Variants in REPS2 observed in about 807,000 individuals in gnomAD.
REPS2 encodes the protein RALBP1 associated Eps domain containing 2, also known as ralBP1-associated Eps domain-containing protein 2.
In REPS2, 23 loss-of-function variants were observed where a neutral mutation model predicts 53.6. The ratio of observed to expected loss-of-function variants is 0.43; its 90% CI spans 0.31 to 0.61. The LOEUF is 0.61. Among genes scored for constraint, REPS2 ranks in the 20% least tolerant of loss-of-function variants. The pLI is 0.11. For missense variants in REPS2, 446 were observed against 534.9 expected (o/e 0.83, Z 1.64); for synonymous variants, 238 against 218.6 (o/e 1.09, Z -0.78).
At chrX:17,123,624 A>G (rs1389505808) in intron 14 of REPS2, among the ~76,000 whole-genome samples, 2 of 112,320 alleles carry the variant, frequency 1.8e-5, no homozygotes, top group Non-Finnish European at 3.8e-5. Context: ...GGATTGGTCT[A>G]CCGAGGGGGG....
intron 14 of REPS2, among the ~76,000 whole-genome samples, chrX:17,114,487 T>C (rs1485760346): frequency 8.9e-6 from 1 of 111,890 alleles, no homozygotes; most frequent in African/African-American, 3.3e-5. Context: ...TGGTAGAAGT[T>C]TAAATGGCTG....
chrX:17,049,004 T>G (rs866318900), intron 6 of REPS2, among the ~76,000 whole-genome samples: 160 of 111,676 alleles, frequency 1.4e-3, no homozygotes, highest in African/African-American at 4.9e-3. Context: ...CAAATGATTC[T>G]TCTGCCTCAG....
At chrX:17,147,367 A>G (rs756214428) in intron 17 of REPS2, 46 bp from the exon 18 acceptor site, 13 of 1,029,937 alleles carry the variant, frequency 1.3e-5, no homozygotes, top group Non-Finnish European at 1.6e-5. Context: ...AATTCAAGAA[A>G]TGACCCCTTT....
At chrX:17,179,449 G>A in the REPS2 span, among the ~76,000 whole-genome samples, 1 of 110,935 alleles carries the variant, frequency 9.0e-6, no homozygotes, top group Non-Finnish European at 1.9e-5. Context: ...ACTGACCCAC[G>A]ATCCTGACTC....
intron 8 of REPS2, among the ~76,000 whole-genome samples, chrX:17,056,880 C>T (rs1266801317): frequency 2.7e-5 from 3 of 112,048 alleles, no homozygotes; most frequent in Non-Finnish European, 5.6e-5. Context: ...AAAACAGTCT[C>T]GCTCAAATTA....
chrX:17,050,572 C>T (rs1470376720), intron 6 of REPS2, among the ~76,000 whole-genome samples: 1 of 111,454 alleles, frequency 9.0e-6, no homozygotes, highest in Non-Finnish European at 1.9e-5. Flanking sequence ...TGTGTAAGTA[C>T]ACCCTGTGCT....
chrX:17,018,974 T>A (rs2061535964), intron 2 of REPS2, among the ~76,000 whole-genome samples: 2 of 110,233 alleles, frequency 1.8e-5, no homozygotes, highest in Non-Finnish European at 1.9e-5. Flanking sequence ...GCTGATTTTT[T>A]ATTTTTATTT....
At chrX:17,036,093 A>G (rs1480606623) in intron 5 of REPS2, among the ~76,000 whole-genome samples, 1 of 112,238 alleles carries the variant, frequency 8.9e-6, no homozygotes, top group African/African-American at 3.2e-5. Flanking sequence ...TTGCAGATAT[A>G]TGGGAGACCA....
chrX:16,962,276 TACACAC>T (rs61520216), intron 1 of REPS2, among the ~76,000 whole-genome samples: 6,351 of 81,649 alleles, frequency 0.078, 206 homozygotes, highest in South Asian at 0.14. Flanking sequence ...TATCGTGGGA[TACACAC>T]ACACACACAC....
At chrX:17,139,836 T>C (rs927093261) in intron 17 of REPS2, among the ~76,000 whole-genome samples, 1 of 111,460 alleles carries the variant, frequency 9.0e-6, no homozygotes, top group Non-Finnish European at 1.9e-5. Flanking sequence ...TATCCTCTTA[T>C]AAGGACACCA....
chrX:17,060,101 G>T, intron 8 of REPS2, among the ~76,000 whole-genome samples: 1 of 110,373 alleles, frequency 9.1e-6, no homozygotes, highest in East Asian at 2.9e-4. Context: ...AGGATTTTGA[G>T]ACCAGCCTGG....
intron 8 of REPS2, among the ~76,000 whole-genome samples, chrX:17,059,769 C>T (rs1486680805): frequency 9.0e-6 from 1 of 111,409 alleles, no homozygotes; most frequent in East Asian, 2.8e-4. Flanking sequence ...CCACACCTGG[C>T]CTGTTTTCTA....
At chrX:17,092,249 T>A (rs2062626148) in intron 13 of REPS2, among the ~76,000 whole-genome samples, 1 of 112,160 alleles carries the variant, frequency 8.9e-6, no homozygotes, top group Non-Finnish European at 1.9e-5. Flanking sequence ...TAGTAAATAG[T>A]AATGTTTATG....
At position 17,025,621 on chromosome X, in the gene REPS2, C is replaced by T. The variant is rs777783867; in HGVS notation, c.673+436C>T. Among the ~76,000 whole-genome samples the T allele has an allele frequency of 5.4e-5, 6 of 111,799 alleles. No homozygotes were observed. In the Admixed American group the frequency reaches 5.7e-4, roughly 11 times the overall value. On this transcript the variant is annotated intron_variant, in intron 4 of 17. Coordinates refer to ENST00000357277, the MANE Select transcript of REPS2 (RefSeq NM_004726.3). ...GTTGATCCAACCTTTGAAGACTGAG[C>T]ACGTAAATGAAAATATATAGGTCCT...
At chrX:17,160,648 G>A in the REPS2 span, among the ~76,000 whole-genome samples, 1 of 111,848 alleles carries the variant, frequency 8.9e-6, no homozygotes, top group African/African-American at 3.2e-5. Context: ...AAACACTTAG[G>A]TACAAACAAA....
chrX:16,985,272 A>T (rs1003215329), intron 1 of REPS2, among the ~76,000 whole-genome samples: 2 of 112,073 alleles, frequency 1.8e-5, no homozygotes, highest in East Asian at 5.6e-4. Flanking sequence ...AGGTATATGG[A>T]TTTACTGTGT....
At chrX:17,147,155 GC>G (rs1224265792) in intron 17 of REPS2, among the ~76,000 whole-genome samples, 90 of 111,777 alleles carry the variant, frequency 8.1e-4, no homozygotes, top group African/African-American at 2.6e-3. Flanking sequence ...TAAAACTAGG[GC>G]AGGGTGGTAG....
intron 5 of REPS2, among the ~76,000 whole-genome samples, chrX:17,035,746 T>A (rs2061757482): frequency 9.0e-6 from 1 of 111,359 alleles, no homozygotes; most frequent in Non-Finnish European, 1.9e-5. Flanking sequence ...GCAACTGATA[T>A]GACCCATTTA....
intron 17 of REPS2, among the ~76,000 whole-genome samples, chrX:17,144,500 T>C (rs2063488131): frequency 8.9e-6 from 1 of 112,705 alleles, no homozygotes; most frequent in Non-Finnish European, 1.9e-5. Context: ...CTTATTTTTC[T>C]TCATGTTAGC....
Sources: gnomAD v4.1 joint callset for allele counts (sites outside exome capture counted in the v4.1 genomes callset) on GRCh38, gnomAD v4.1.1 for gene constraint, MANE v1.5 for transcripts, NCBI Gene and HGNC (gene_info 2026-07-23, HGNC 2026-07-21) for gene names.